SH2D4A: variants seen among roughly 807,000 people sequenced by gnomAD.
SH2D4A encodes SH2 domain-containing protein 4A.
SH2D4A carries 70 observed loss-of-function variants against 64.7 expected under a neutral mutation model. The ratio of observed to expected loss-of-function variants is 1.08; its 90% CI spans 0.89 to 1.32. SH2D4A has a LOEUF of 1.32. Among genes scored for constraint, SH2D4A ranks in the 40% most tolerant of loss-of-function variants. The pLI, the probability that SH2D4A is intolerant of heterozygous loss-of-function variation, is 0.00. For synonymous variants in SH2D4A, 268 were observed against 200.7 expected (o/e 1.34, Z -2.83); for missense variants, 706 against 540.1 (o/e 1.31, Z -3.04).
intron 4 of SH2D4A, among the ~76,000 whole-genome samples, chr8:19,337,227 A>G (rs1180054812): frequency 6.6e-6 from 1 of 152,168 alleles, no homozygotes; most frequent in Non-Finnish European, 1.5e-5. Flanking sequence ...TCACTCTGAC[A>G]GCAGGCCACA....
intron 4 of SH2D4A, among the ~76,000 whole-genome samples, chr8:19,344,801 G>T (rs2052586560): frequency 6.6e-6 from 1 of 152,020 alleles, no homozygotes; most frequent in South Asian, 2.1e-4. Context: ...TTTTATAAAA[G>T]AAATACTGTG....
intron 2 of SH2D4A, among the ~76,000 whole-genome samples, chr8:19,330,863 G>C (rs1196716031): frequency 6.6e-6 from 1 of 152,150 alleles, no homozygotes; most frequent in Non-Finnish European, 1.5e-5. Context: ...GTAATAAAGG[G>C]AGTTTTATGA....
intron 7 of SH2D4A, among the ~76,000 whole-genome samples, chr8:19,365,883 G>T (rs903926695): frequency 6.6e-6 from 1 of 152,134 alleles, no homozygotes; most frequent in African/African-American, 2.4e-5. Context: ...TTGGAAGCTA[G>T]TAAGAGAATG....
intron 7 of SH2D4A, among the ~76,000 whole-genome samples, chr8:19,366,252 C>T (rs1334797536): frequency 6.6e-6 from 1 of 152,086 alleles, no homozygotes; most frequent in African/African-American, 2.4e-5. Context: ...GTGATCAAAT[C>T]AGTATAACTC....
intron 8 of SH2D4A, among the ~76,000 whole-genome samples, chr8:19,391,378 A>G (rs1356628262): frequency 2.0e-5 from 3 of 152,146 alleles, no homozygotes; most frequent in Non-Finnish European, 4.4e-5. Context: ...CATGGTACCT[A>G]CGGTGTTCCA....
chr8:19,360,352 T>C (rs1204102656), intron 5 of SH2D4A, among the ~76,000 whole-genome samples: 1 of 151,684 alleles, frequency 6.6e-6, no homozygotes, highest in Non-Finnish European at 1.5e-5. Flanking sequence ...TGGTGGCTCA[T>C]GCCTGTAATC....
In SH2D4A at chr8:19,322,343, TC is replaced by T. The variant is rs200053853; in HGVS notation, c.181+2616del. On this transcript the variant is annotated intron_variant, in intron 2 of 9. Coordinates refer to ENST00000265807, the MANE Select transcript of SH2D4A (RefSeq NM_022071.4). The stretch of plus-strand genomic sequence containing the variant: ...AAGGCTTGTGCTCCCTGCCTCCCCT[TC>T]TCCCGCCTTTCTGGTTAGTACTGAG... Among the ~76,000 whole-genome samples, 1,068 of 152,260 alleles carry T rather than the reference TC, an allele frequency of 7.0e-3. 17 individuals carry two copies. Among genetic ancestry groups the T allele is most frequent in the African/African-American group, 0.024 (986 of 41,536 alleles).
At chr8:19,350,256 C>A (rs892169721) in intron 4 of SH2D4A, among the ~76,000 whole-genome samples, 24 of 152,170 alleles carry the variant, frequency 1.6e-4, no homozygotes, top group African/African-American at 5.6e-4. Context: ...AACTCCCTCG[C>A]ATGTGAATGC....
At chr8:19,348,552 C>T (rs17128246) in intron 4 of SH2D4A, among the ~76,000 whole-genome samples, 28,140 of 152,100 alleles carry the variant, frequency 0.19, 2,955 homozygotes, top group Middle Eastern at 0.29. Flanking sequence ...CACTCCGGAA[C>T]GATCAGTTCT....
intron 8 of SH2D4A, among the ~76,000 whole-genome samples, chr8:19,377,713 AT>A (rs2053219081): frequency 6.6e-6 from 1 of 151,788 alleles, no homozygotes; most frequent in African/African-American, 2.4e-5. Flanking sequence ...CACACGTATC[AT>A]TATTCATCTC....
chr8:19,389,415 G>A (rs1278782757), intron 8 of SH2D4A, among the ~76,000 whole-genome samples: 1 of 152,180 alleles, frequency 6.6e-6, no homozygotes, highest in South Asian at 2.1e-4. Context: ...CCCTATTTCA[G>A]AGTTCAGTAG....
At chr8:19,369,515 A>G (rs998786963) in intron 7 of SH2D4A, among the ~76,000 whole-genome samples, 1 of 151,926 alleles carries the variant, frequency 6.6e-6, no homozygotes, top group Non-Finnish European at 1.5e-5. Context: ...CTCGTTAGTC[A>G]TTATTGGTCT....
At chr8:19,331,657 A>C (rs1257213169) in intron 2 of SH2D4A, among the ~76,000 whole-genome samples, 1 of 152,226 alleles carries the variant, frequency 6.6e-6, no homozygotes, top group Admixed American at 6.5e-5. Context: ...TGAGGCAGCC[A>C]TATAAGTAAA....
intron 4 of SH2D4A, among the ~76,000 whole-genome samples, chr8:19,348,287 G>C (rs2052644056): frequency 6.6e-6 from 1 of 151,992 alleles, no homozygotes; most frequent in South Asian, 2.1e-4. Context: ...GTAGAGACAG[G>C]GGTCTCACCA....
At chr8:19,375,996 A>G (rs992322906) in intron 8 of SH2D4A, among the ~76,000 whole-genome samples, 2 of 152,072 alleles carry the variant, frequency 1.3e-5, no homozygotes, top group Non-Finnish European at 2.9e-5. Flanking sequence ...TCACCTCTCC[A>G]GGCCTCCCTT....
chr8:19,381,130 A>C (rs1357628980), intron 8 of SH2D4A, among the ~76,000 whole-genome samples: 4 of 151,748 alleles, frequency 2.6e-5, no homozygotes, highest in Admixed American at 6.6e-5. Flanking sequence ...GCTCACTGCA[A>C]CCTCCACCTC....
At chr8:19,341,991 C>A (rs2052536958) in intron 4 of SH2D4A, among the ~76,000 whole-genome samples, 1 of 152,072 alleles carries the variant, frequency 6.6e-6, no homozygotes, top group East Asian at 1.9e-4. Context: ...AAATTCAACC[C>A]AAATATTGAT....
At chr8:19,356,882 G>A (rs565983853) in intron 4 of SH2D4A, among the ~76,000 whole-genome samples, 4 of 152,340 alleles carry the variant, frequency 2.6e-5, no homozygotes, top group East Asian at 3.9e-4. Context: ...ATTTAAATAG[G>A]GGGTAATGTT....
At chr8:19,360,982 T>C (rs1301009725) in intron 5 of SH2D4A, 2 of 325,156 alleles carry the variant, frequency 6.2e-6, no homozygotes, top group South Asian at 5.2e-5. Context: ...AGAGGTTCAT[T>C]TGTTGCTCCT....
Sources: allele counts gnomAD v4.1 joint callset (sites outside exome capture counted in the v4.1 genomes callset), GRCh38; gene constraint gnomAD v4.1.1; transcripts MANE v1.5; gene names NCBI Gene and HGNC (gene_info 2026-07-23, HGNC 2026-07-21).